PCDH11X: variants seen among roughly 807,000 people sequenced by gnomAD.
The protein encoded by PCDH11X is protocadherin 11 X-linked, also known as protocadherin-11 X-linked.
In PCDH11X, 18 loss-of-function variants were observed where a neutral mutation model predicts 53.3. The ratio of observed to expected loss-of-function variants is 0.34; its 90% CI spans 0.23 to 0.50. The LOEUF (loss-of-function observed/expected upper bound fraction) is 0.50, where lower values mean the gene tolerates loss of function less well. Ranked by LOEUF, PCDH11X falls within the 20% of genes least tolerant of loss-of-function variation. The pLI is 0.98. For missense variants in PCDH11X, 570 were observed against 1,032.4 expected (o/e 0.55, Z 6.14); for synonymous variants, 279 against 393.3 (o/e 0.71, Z 3.44).
In PCDH11X at chrX:92,502,134, A is replaced by G. The variant is rs188393102; in HGVS notation, c.3367+33812A>G. ...ATCATTCATAATTGTTACAAAAAGA[A>G]TAAAATACTTAGAAATACAGCTAAC... On this transcript the variant is annotated intron_variant, in intron 10 of 10. Coordinates refer to ENST00000682573, the MANE Select transcript of PCDH11X (RefSeq NM_032968.5). 1.1e-4 allele frequency among the ~76,000 whole-genome samples: 12 copies of G among 111,025 alleles called. No individual in the cohort carries two copies. In the East Asian group the frequency reaches 3.1e-3, roughly 29 times the overall value.
chrX:92,194,668 TG>T (rs2066261373), intron 6 of PCDH11X, among the ~76,000 whole-genome samples: 1 of 96,253 alleles, frequency 1.0e-5, no homozygotes, highest in Admixed American at 1.2e-4. Flanking sequence ...ATAAATATTA[TG>T]TTTTTTTTTT....
At chrX:92,440,726 G>A (rs2072494542) in intron 9 of PCDH11X, among the ~76,000 whole-genome samples, 1 of 109,997 alleles carries the variant, frequency 9.1e-6, no homozygotes, top group African/African-American at 3.3e-5. Context: ...TCTCAGGTAT[G>A]TCTTTATCAG....
At chrX:92,321,215 T>C (rs34805936) in intron 8 of PCDH11X, among the ~76,000 whole-genome samples, 2 of 93,720 alleles carry the variant, frequency 2.1e-5, no homozygotes, top group African/African-American at 8.3e-5. Context: ...TTTTTTGAGA[T>C]GGAGTCTCGC....
At chrX:92,312,663 A>C (rs2068975938) in intron 8 of PCDH11X, among the ~76,000 whole-genome samples, 2 of 111,705 alleles carry the variant, frequency 1.8e-5, no homozygotes, top group Non-Finnish European at 3.8e-5. Flanking sequence ...CTAAAACCTT[A>C]GAAATTTGAA....
At chrX:92,536,065 G>T (rs189214997) in intron 10 of PCDH11X, among the ~76,000 whole-genome samples, 1,691 of 107,081 alleles carry the variant, frequency 0.016, 41 homozygotes, top group African/African-American at 0.054. Flanking sequence ...TTACTCAGAG[G>T]TTGGTTTCTT....
intron 7 of PCDH11X, among the ~76,000 whole-genome samples, chrX:92,254,505 C>G (rs1046299595): frequency 1.9e-5 from 2 of 106,141 alleles, no homozygotes; most frequent in African/African-American, 7.1e-5. Flanking sequence ...GGTTATTTTG[C>G]GCGTTAGTTG....
chrX:92,220,715 C>G (rs2066850144), intron 7 of PCDH11X, among the ~76,000 whole-genome samples: 1 of 109,594 alleles, frequency 9.1e-6, no homozygotes, highest in Admixed American at 9.9e-5. Context: ...ACCCAAAGGA[C>G]TATAAATCAT....
At position 92,061,416 on chromosome X, in the gene PCDH11X, C is replaced by T. The variant is rs1227771370; in HGVS notation, c.3034-139959C>T. ...TAAAATCTTTGCCAGAGCCTATGTG[C>T]AGAATTGTATTGCCTCAATTGTCTT... On this transcript the variant is annotated intron_variant, in intron 6 of 10. Coordinates refer to ENST00000682573, the MANE Select transcript of PCDH11X (RefSeq NM_032968.5). Among the ~76,000 whole-genome samples, 3 of 110,006 alleles carry T rather than the reference C, an allele frequency of 2.7e-5. No individual in the cohort carries two copies. In the South Asian group the frequency reaches 1.1e-3, roughly 42 times the overall value.
chrX:92,331,218 C>T (rs1338939611), intron 8 of PCDH11X, among the ~76,000 whole-genome samples: 19 of 108,304 alleles, frequency 1.8e-4, no homozygotes, highest in Non-Finnish European at 1.3e-4. Context: ...ATTAAATGCC[C>T]GTTTCCTGTC....
chrX:92,092,737 C>A (rs1306524379), intron 6 of PCDH11X, among the ~76,000 whole-genome samples: 1 of 111,814 alleles, frequency 8.9e-6, no homozygotes, highest in Non-Finnish European at 1.9e-5. Flanking sequence ...TTGCCCTAAG[C>A]AGTTCCCAGC....
chrX:91,783,387 C>T (rs1346124096), intron 1 of PCDH11X, among the ~76,000 whole-genome samples: 2 of 111,877 alleles, frequency 1.8e-5, no homozygotes, highest in Non-Finnish European at 3.8e-5. Context: ...TTCTGAAGGA[C>T]GTCCAGGTAA....
intron 7 of PCDH11X, among the ~76,000 whole-genome samples, chrX:92,249,853 G>A (rs2067424312): frequency 9.0e-6 from 1 of 111,300 alleles, no homozygotes; most frequent in Non-Finnish European, 1.9e-5. Context: ...ATTTCAAGTA[G>A]ACTCAATCAA....
At chrX:92,130,961 TA>T (rs1179252948) in intron 6 of PCDH11X, among the ~76,000 whole-genome samples, 1,424 of 103,702 alleles carry the variant, frequency 0.014, 19 homozygotes, top group African/African-American at 0.046. Flanking sequence ...TGGAAATATG[TA>T]AAAAAAAAAA....
chrX:92,041,010 T>A (rs2063201519), intron 6 of PCDH11X, among the ~76,000 whole-genome samples: 1 of 107,317 alleles, frequency 9.3e-6, no homozygotes, highest in African/African-American at 3.4e-5. Flanking sequence ...TACATATTTA[T>A]GGGATACTTG....
chrX:92,495,961 C>A (rs894615732), intron 10 of PCDH11X, among the ~76,000 whole-genome samples: 2 of 101,836 alleles, frequency 2.0e-5, no homozygotes, highest in Non-Finnish European at 3.9e-5. Context: ...GAGACAGAAC[C>A]AAATCATATC....
intron 6 of PCDH11X, among the ~76,000 whole-genome samples, chrX:92,082,559 A>G (rs1336863523): frequency 9.2e-6 from 1 of 109,115 alleles, no homozygotes; most frequent in Non-Finnish European, 1.9e-5. Flanking sequence ...CTTTATTAAG[A>G]AGCAAAGAAG....
intron 6 of PCDH11X, among the ~76,000 whole-genome samples, chrX:92,021,995 T>C (rs1374513767): frequency 9.3e-6 from 1 of 107,944 alleles, no homozygotes; most frequent in Non-Finnish European, 1.9e-5. Flanking sequence ...TCACTAGGCC[T>C]ACCTTGCAAG....
intron 8 of PCDH11X, among the ~76,000 whole-genome samples, chrX:92,281,202 A>G (rs1277327127): frequency 9.0e-6 from 1 of 111,728 alleles, no homozygotes; most frequent in Non-Finnish European, 1.9e-5. Flanking sequence ...TTCTGAACCA[A>G]AGGTCATATT....
At chrX:92,302,757 A>T (rs2148471810) in intron 8 of PCDH11X, among the ~76,000 whole-genome samples, 1 of 108,081 alleles carries the variant, frequency 9.3e-6, no homozygotes, top group South Asian at 4.1e-4. Flanking sequence ...TAGTTCCAGA[A>T]GCTGTATGGA....
Sources: gnomAD v4.1 joint callset for allele counts (sites outside exome capture counted in the v4.1 genomes callset) on GRCh38, gnomAD v4.1.1 for gene constraint, MANE v1.5 for transcripts, NCBI Gene and HGNC (gene_info 2026-07-23, HGNC 2026-07-21) for gene names.